Variants in MED27 observed in about 807,000 individuals in gnomAD.
The protein encoded by MED27 is mediator complex subunit 27.
Under a neutral mutation model 38.2 loss-of-function variants are expected in MED27, and 30 were observed. The observed-to-expected ratio is 0.79, with a 90% CI of 0.59 to 1.07. The LOEUF (loss-of-function observed/expected upper bound fraction) is 1.07, where lower values mean the gene tolerates loss of function less well. MED27 is among the 50% of genes least tolerant of loss of function. The pLI is 0.00. For synonymous variants in MED27, 122 were observed against 153.5 expected (o/e 0.79, Z 1.52); for missense variants, 289 against 397.5 (o/e 0.73, Z 2.32).
chr9:131,983,095 C>T (rs7032884), intron 3 of MED27, among the ~76,000 whole-genome samples: 87,555 of 152,132 alleles, frequency 0.58, 26,732 homozygotes, highest in Non-Finnish European at 0.68. Context: ...ATGTAATTAA[C>T]GAGCACTTAT....
intron 4 of MED27, among the ~76,000 whole-genome samples, chr9:131,912,228 C>T (rs1361818748): frequency 6.6e-6 from 1 of 152,206 alleles, no homozygotes; most frequent in African/African-American, 2.4e-5. Context: ...CAACATGCTC[C>T]TCTTGAAGAT....
chr9:132,052,360 G>A (rs1833481981), intron 2 of MED27, among the ~76,000 whole-genome samples: 1 of 152,174 alleles, frequency 6.6e-6, no homozygotes, highest in African/African-American at 2.4e-5. Flanking sequence ...TGATCTATTA[G>A]TTATACAATA....
At chr9:131,973,958 C>T (rs1021281270) in intron 3 of MED27, among the ~76,000 whole-genome samples, 1 of 152,204 alleles carries the variant, frequency 6.6e-6, no homozygotes. Context: ...AGTGATCCAC[C>T]CGCCTTGGCC....
intron 4 of MED27, among the ~76,000 whole-genome samples, chr9:131,936,192 C>T (rs1830681626): frequency 6.6e-6 from 1 of 151,642 alleles, no homozygotes; most frequent in East Asian, 1.9e-4. Context: ...CAGCCTAGTG[C>T]CTGGTAGTCC....
At chr9:132,073,997 G>A (rs1231293695) in intron 2 of MED27, among the ~76,000 whole-genome samples, 3 of 152,118 alleles carry the variant, frequency 2.0e-5, no homozygotes, top group Non-Finnish European at 4.4e-5. Context: ...CTTCAAAAGA[G>A]GACCTTCAGA....
intron 3 of MED27, among the ~76,000 whole-genome samples, chr9:131,953,326 C>T (rs544480041): frequency 2.6e-5 from 4 of 152,338 alleles, no homozygotes; most frequent in African/African-American, 9.6e-5. Flanking sequence ...CAGGCCACTG[C>T]AAAGTTTGCT....
In MED27 at chr9:131,906,596, G is replaced by A. The variant is rs180927959; in HGVS notation, c.574-12604C>T. 3.3e-5 allele frequency among the ~76,000 whole-genome samples: 5 copies of A among 152,318 alleles called. No individual in the cohort carries two copies. The East Asian group carries it at 5.8e-4, about 18-fold the overall frequency. The stretch of plus-strand genomic sequence containing the variant: ...GGCATGTCTGATGTGTGCTTTTAAA[G>A]GAACACCTTCCTGGCTGCTTTGTGG... On this transcript the variant is annotated intron_variant, in intron 4 of 7. Coordinates refer to ENST00000292035, the MANE Select transcript of MED27 (RefSeq NM_004269.4).
Position 131,997,898 on chromosome 9 carries a change from A to G in MED27, c.479+16439T>C, listed in dbSNP as rs906661822. Among the ~76,000 whole-genome samples, 2 of 152,190 alleles carry G rather than the reference A, an allele frequency of 1.3e-5. No homozygotes were observed. The highest frequency in any genetic ancestry group is 4.1e-4 in the South Asian group (2 of 4,826). Reference sequence around the variant, plus strand: ...CCGATGGTGTTCCTTCCCTCACTGCAGACTGCTTTGGTTGGTGATCTCTCA... The same window carrying G: ...CCGATGGTGTTCCTTCCCTCACTGCGGACTGCTTTGGTTGGTGATCTCTCA... On this transcript the variant is annotated intron_variant, in intron 3 of 7. Transcript: ENST00000292035. This position sits in a 1 kb window ranked among gnomAD's most constrained non-coding sequence, Gnocchi z 4.0.
chr9:131,916,792 T>C (rs1275696937), intron 4 of MED27, among the ~76,000 whole-genome samples: 1 of 152,164 alleles, frequency 6.6e-6, no homozygotes, highest in Non-Finnish European at 1.5e-5. Flanking sequence ...CAATATATGA[T>C]ACTGTAGGTA....
intron 3 of MED27, among the ~76,000 whole-genome samples, chr9:131,985,333 A>G (rs1196989052): frequency 1.3e-5 from 2 of 152,262 alleles, no homozygotes; most frequent in Non-Finnish European, 2.9e-5. Flanking sequence ...CTGCTCCCAA[A>G]TAAGATGAGA....
At chr9:131,880,300 T>C (rs990900245) in intron 6 of MED27, among the ~76,000 whole-genome samples, 4 of 152,234 alleles carry the variant, frequency 2.6e-5, no homozygotes, top group African/African-American at 9.6e-5. Context: ...TATTTTCCAA[T>C]ATGTTTCCTT....
intron 4 of MED27, among the ~76,000 whole-genome samples, chr9:131,923,493 T>A (rs1464356086): frequency 1.3e-5 from 2 of 152,252 alleles, no homozygotes; most frequent in East Asian, 3.8e-4. Flanking sequence ...AGGTTACTAG[T>A]GTTAGTTCTC....
chr9:132,007,618 G>C (rs1832386850), intron 3 of MED27, among the ~76,000 whole-genome samples: 2 of 152,144 alleles, frequency 1.3e-5, no homozygotes, highest in African/African-American at 2.4e-5. Context: ...CACGAGGTGG[G>C]AGCTGGGAGG....
chr9:132,002,241 C>A (rs1832250709), intron 3 of MED27, among the ~76,000 whole-genome samples: 1 of 152,132 alleles, frequency 6.6e-6, no homozygotes, highest in Admixed American at 6.5e-5. Flanking sequence ...GTTCTTTCCA[C>A]ACTAACCAAA....
chr9:131,894,824 C>T (rs892304438), intron 4 of MED27, among the ~76,000 whole-genome samples: 10 of 151,932 alleles, frequency 6.6e-5, no homozygotes, highest in African/African-American at 2.4e-4. Context: ...GGAGGTGGGG[C>T]CTAGTGGGGG....
At chr9:131,910,991 T>C (rs1272403951) in intron 4 of MED27, among the ~76,000 whole-genome samples, 1 of 152,216 alleles carries the variant, frequency 6.6e-6, no homozygotes, top group Non-Finnish European at 1.5e-5. Flanking sequence ...TAATGATGCC[T>C]GTTTGTAAAT....
chr9:132,058,022 GA>G (rs1397254650), intron 2 of MED27, among the ~76,000 whole-genome samples: 2 of 151,716 alleles, frequency 1.3e-5, no homozygotes, highest in African/African-American at 2.4e-5. Context: ...CTATCCTCAA[GA>G]AAAAAAACTT....
At chr9:132,065,979 C>T (rs1001845037) in intron 2 of MED27, among the ~76,000 whole-genome samples, 3 of 152,220 alleles carry the variant, frequency 2.0e-5, no homozygotes, top group African/African-American at 7.2e-5. Context: ...AGATGTGATG[C>T]CCAACCTGGT....
At chr9:131,869,092 T>C in intron 6 of MED27, 1 of 985,468 alleles carries the variant, frequency 1.0e-6, no homozygotes. Context: ...TGGCAGCTTT[T>C]TCCAGCGCTG....
Sources: gnomAD v4.1 joint callset for allele counts (sites outside exome capture counted in the v4.1 genomes callset) on GRCh38, gnomAD v4.1.1 for gene constraint, Gnocchi (gnomAD v3.1) non-coding constraint, MANE v1.5 for transcripts, NCBI Gene and HGNC (gene_info 2026-07-23, HGNC 2026-07-21) for gene names.